The following LRRC4C variants were observed in gnomAD, a reference collection of about 807,000 sequenced individuals.
LRRC4C encodes the protein leucine-rich repeat-containing protein 4C.
LRRC4C carries 5 observed loss-of-function variants against 33.6 expected under a neutral mutation model. The observed-to-expected ratio is 0.15, with a 90% confidence interval of 0.08 to 0.31. The LOEUF (loss-of-function observed/expected upper bound fraction) is 0.31, where lower values mean the gene tolerates loss of function less well. Ranked by LOEUF, LRRC4C falls within the 10% of genes least tolerant of loss-of-function variation. The pLI is 1.00. For missense variants in LRRC4C, 560 were observed against 796.7 expected (o/e 0.70, Z 3.58); for synonymous variants, 329 against 302.0 (o/e 1.09, Z -0.93).
chr11:41,304,077 C>T (rs1950382949), intron 1 of LRRC4C, among the ~76,000 whole-genome samples: 2 of 70,866 alleles, frequency 2.8e-5, no homozygotes, highest in African/African-American at 3.5e-5. Flanking sequence ...GCCAGCCACC[C>T]CGTCCGGGAG....
At chr11:41,440,250 T>C (rs1201652194) in intron 1 of LRRC4C, among the ~76,000 whole-genome samples, 2 of 152,082 alleles carry the variant, frequency 1.3e-5, no homozygotes, top group East Asian at 3.9e-4. Context: ...CTATGATTAA[T>C]ATTTTTGGAA....
intron 3 of LRRC4C, among the ~76,000 whole-genome samples, chr11:40,541,753 A>C (rs1956717992): frequency 6.6e-6 from 1 of 152,092 alleles, no homozygotes; most frequent in South Asian, 2.1e-4. Flanking sequence ...TCATCTCTGT[A>C]TCTCTGACAC....
intron 3 of LRRC4C, among the ~76,000 whole-genome samples, chr11:40,561,333 C>T (rs1370643676): frequency 6.6e-6 from 1 of 151,574 alleles, no homozygotes; most frequent in Non-Finnish European, 1.5e-5. Context: ...AAGGTGTCTT[C>T]CAGCAATACT....
At chr11:40,420,823 A>T (rs1950499611) in intron 3 of LRRC4C, among the ~76,000 whole-genome samples, 1 of 152,174 alleles carries the variant, frequency 6.6e-6, no homozygotes, top group Non-Finnish European at 1.5e-5. Flanking sequence ...TTTAACTATG[A>T]CATACTACAT....
At position 41,059,976 on chromosome 11, in the gene LRRC4C, G is replaced by T. The variant is rs145705421; in HGVS notation, c.-495-126253C>A. Among the ~76,000 whole-genome samples, 718 of 151,648 alleles carry T rather than the reference G, an allele frequency of 4.7e-3. 6 individuals carry two copies. The highest frequency in any genetic ancestry group is 0.016 in the African/African-American group (672 of 41,328). On this transcript the variant is annotated intron_variant, in intron 1 of 6. Transcript: ENST00000528697. ...GGAGGCAGAGGTTGCAATCAGCCGA[G>T]ATCACACCATTGCACTCCAGCCTGG... is the stretch of plus-strand genomic sequence containing the variant.
intron 1 of LRRC4C, among the ~76,000 whole-genome samples, chr11:41,366,055 CT>C (rs998720210): frequency 3.0e-4 from 46 of 151,144 alleles, no homozygotes; most frequent in African/African-American, 7.8e-4. Flanking sequence ...TTAAATAAAC[CT>C]TTTTTTTTCT....
Position 40,737,564 on chromosome 11 carries a change from A to C in LRRC4C, c.-406-89286T>G, listed in dbSNP as rs538590212. Among the ~76,000 whole-genome samples, 6 of 134,948 alleles carry C rather than the reference A, an allele frequency of 4.4e-5. No homozygotes were observed. In the South Asian group the frequency reaches 1.4e-3, roughly 31 times the overall value. 88.5% of individuals were successfully genotyped at this position (134,948 alleles called of 152,430 possible). On this transcript the variant is annotated intron_variant, in intron 2 of 6. Coordinates refer to ENST00000528697, the MANE Select transcript of LRRC4C (RefSeq NM_001258419.2). ...ACGTGCGAAAATCACAAGCATTCCTATACACCAATAATAAAAAAAAACAGA... is the reference window on the plus strand; with the variant it reads ...ACGTGCGAAAATCACAAGCATTCCTCTACACCAATAATAAAAAAAAACAGA...
rs565723585 is a variant in LRRC4C, at chr11:40,776,014, G to C, written c.-406-127736C>G. Among the ~76,000 whole-genome samples, 10 of 152,098 alleles carry C rather than the reference G, an allele frequency of 6.6e-5. No individual in the cohort carries two copies. In the South Asian group the frequency reaches 1.7e-3, roughly 25 times the overall value. ...TTGGATTTTATCAAAAGGATTTTCT[G>C]TATCTATTGAGATGATTATATGGTT... is the stretch of plus-strand genomic sequence containing the variant. On this transcript the variant is annotated intron_variant, in intron 2 of 6. Transcript: ENST00000528697.
chr11:40,980,566 AG>A (rs1353133340), intron 1 of LRRC4C, among the ~76,000 whole-genome samples: 1 of 152,150 alleles, frequency 6.6e-6, no homozygotes, highest in African/African-American at 2.4e-5. Context: ...ACTCAAGTAA[AG>A]ACAAAAAAAA....
At chr11:41,237,949 T>G (rs556184964) in intron 1 of LRRC4C, among the ~76,000 whole-genome samples, 1 of 152,312 alleles carries the variant, frequency 6.6e-6, no homozygotes, top group African/African-American at 2.4e-5. Flanking sequence ...TACCTCTGTT[T>G]CTTTGCTACT....
At chr11:40,759,033 C>T (rs574467349) in intron 2 of LRRC4C, among the ~76,000 whole-genome samples, 3 of 149,542 alleles carry the variant, frequency 2.0e-5, no homozygotes, top group African/African-American at 7.3e-5. Flanking sequence ...AAGTAGCACC[C>T]TGTTAGTTAT....
At chr11:40,957,516 T>C (rs578096756) in intron 1 of LRRC4C, among the ~76,000 whole-genome samples, 4 of 151,784 alleles carry the variant, frequency 2.6e-5, no homozygotes, top group Non-Finnish European at 5.9e-5. Context: ...TTCTGAACTA[T>C]GTTCAACATT....
intron 1 of LRRC4C, among the ~76,000 whole-genome samples, chr11:41,458,311 A>C (rs1341693896): frequency 6.6e-6 from 1 of 152,146 alleles, no homozygotes; most frequent in Non-Finnish European, 1.5e-5. Flanking sequence ...CTGGCAGATG[A>C]AGAGTAAGAT....
At chr11:41,350,059 T>C (rs879790148) in intron 1 of LRRC4C, among the ~76,000 whole-genome samples, 100 of 152,136 alleles carry the variant, frequency 6.6e-4, no homozygotes, top group Non-Finnish European at 1.0e-3. Context: ...AGATAGCCTC[T>C]GGAAAACTCC....
At chr11:41,039,613 G>C (rs1227556992) in intron 1 of LRRC4C, among the ~76,000 whole-genome samples, 1 of 152,190 alleles carries the variant, frequency 6.6e-6, no homozygotes, top group Non-Finnish European at 1.5e-5. Flanking sequence ...AGTCGTCACT[G>C]TTTAAGAAAT....
intron 4 of LRRC4C, among the ~76,000 whole-genome samples, chr11:40,281,880 C>T (rs1030673501): frequency 6.6e-6 from 1 of 152,130 alleles, no homozygotes; most frequent in Non-Finnish European, 1.5e-5. Context: ...CCCACTCCCA[C>T]ACACACACTC....
rs913948968 is a variant in LRRC4C at position 40,881,298 on chromosome 11, C to T, written c.-407+52337G>A. Among the ~76,000 whole-genome samples, 19 of 152,238 alleles carry T rather than the reference C, an allele frequency of 1.2e-4. No homozygotes were observed. The East Asian group carries it at 2.3e-3, about 19-fold the overall frequency. ...TTACTAAATTCAGTCCAACAGCATA[C>T]ATTTTTTGTTGATTATTGTGTATCC... On this transcript the variant is annotated intron_variant, in intron 2 of 6. Coordinates refer to ENST00000528697, the MANE Select transcript of LRRC4C (RefSeq NM_001258419.2).
intron 3 of LRRC4C, among the ~76,000 whole-genome samples, chr11:40,534,142 A>G (rs1331077996): frequency 6.6e-6 from 1 of 152,130 alleles, no homozygotes; most frequent in Non-Finnish European, 1.5e-5. Flanking sequence ...CATGAGGATT[A>G]TAGTGTTTAC....
chr11:40,125,183 G>A (rs1188673716), intron 6 of LRRC4C, among the ~76,000 whole-genome samples: 1 of 152,060 alleles, frequency 6.6e-6, no homozygotes, highest in Non-Finnish European at 1.5e-5. Context: ...AAGATGTGAG[G>A]GGAAGTCAGC....
Sources: gnomAD v4.1 joint callset for allele counts (sites outside exome capture counted in the v4.1 genomes callset) on GRCh38, gnomAD v4.1.1 for gene constraint, MANE v1.5 for transcripts, NCBI Gene and HGNC (gene_info 2026-07-23, HGNC 2026-07-21) for gene names.